The following LRRC4C variants were observed in gnomAD, a reference collection of about 807,000 sequenced individuals.
LRRC4C encodes the protein leucine-rich repeat-containing protein 4C.
A neutral mutation model predicts 33.6 loss-of-function variants in LRRC4C; 5 were observed. The observed-to-expected ratio is 0.15, with a 90% CI of 0.08 to 0.31. LRRC4C has a LOEUF of 0.31. Among genes scored for constraint, LRRC4C ranks in the 10% least tolerant of loss-of-function variants. The pLI is 1.00. For missense variants in LRRC4C, 560 were observed against 796.7 expected, an observed-to-expected ratio of 0.70 and a Z score of 3.58; for synonymous variants, 329 against 302.0, an observed-to-expected ratio of 1.09 and a Z score of -0.93.
intron 1 of LRRC4C, among the ~76,000 whole-genome samples, chr11:40,992,496 G>A (rs192141710): frequency 6.0e-5 from 9 of 151,080 alleles, no homozygotes; most frequent in Non-Finnish European, 1.0e-4. Flanking sequence ...CTTAACATCA[G>A]CCATTCTGAG....
chr11:40,582,096 A>G (rs1337039307), intron 3 of LRRC4C, among the ~76,000 whole-genome samples: 1 of 152,152 alleles, frequency 6.6e-6, no homozygotes, highest in Non-Finnish European at 1.5e-5. Flanking sequence ...GAAAATATTT[A>G]TGTGTATTGT....
At chr11:41,443,000 T>C (rs1249080466) in intron 1 of LRRC4C, among the ~76,000 whole-genome samples, 2 of 152,046 alleles carry the variant, frequency 1.3e-5, no homozygotes, top group Admixed American at 6.6e-5. Context: ...GGTATTGCTA[T>C]GAAATGGTAG....
chr11:40,891,009 G>A (rs1010771787), intron 2 of LRRC4C, among the ~76,000 whole-genome samples: 41 of 152,098 alleles, frequency 2.7e-4, no homozygotes, highest in African/African-American at 9.2e-4. Flanking sequence ...CTAGGAGGCC[G>A]AAGCCGGGAG....
chr11:40,911,661 G>A (rs755166344), intron 2 of LRRC4C, among the ~76,000 whole-genome samples: 24 of 152,286 alleles, frequency 1.6e-4, no homozygotes, highest in Non-Finnish European at 2.8e-4. Context: ...AAAGGAATGC[G>A]GCTCCTCACC....
chr11:40,169,184 C>T lies in LRRC4C; in HGVS notation c.-95-28331G>A, dbSNP rs1050268180. 3.3e-5 allele frequency among the ~76,000 whole-genome samples: 5 copies of T among 152,012 alleles called. 1 individual carries two copies. Among genetic ancestry groups the T allele is most frequent in the Non-Finnish European group, 2.9e-5 (2 of 68,012 alleles). On this transcript the variant is annotated intron_variant, in intron 5 of 6. Transcript: ENST00000528697. ...TATTGAGACTTATTTTTCTGGGATA[C>T]GGTAAGCTTTAAATAGGAACCTAGT...
At chr11:40,680,039 A>ATCT (rs1944605628) in intron 2 of LRRC4C, among the ~76,000 whole-genome samples, 2 of 152,148 alleles carry the variant, frequency 1.3e-5, no homozygotes, top group South Asian at 4.1e-4. Flanking sequence ...ACCCAAGATT[A>ATCT]TGGGAACCCA....
At chr11:40,388,656 C>T (rs965334358) in intron 3 of LRRC4C, among the ~76,000 whole-genome samples, 4 of 152,128 alleles carry the variant, frequency 2.6e-5, no homozygotes, top group African/African-American at 9.7e-5. Context: ...ATTCCAATGC[C>T]TGCATTTTAT....
At chr11:40,633,339 T>TTC (rs1203429164) in intron 3 of LRRC4C, among the ~76,000 whole-genome samples, 17 of 29,734 alleles carry the variant, frequency 5.7e-4, no homozygotes, top group African/African-American at 2.1e-3. Context: ...CTTTCTTTCT[T>TTC]TCTTTCTTTC....
chr11:41,132,898 T>C (rs1009360615), intron 1 of LRRC4C, among the ~76,000 whole-genome samples: 1 of 152,116 alleles, frequency 6.6e-6, no homozygotes. Flanking sequence ...AATGAAGATG[T>C]AATGATATAT....
chr11:40,981,909 A>C (rs1215295183), intron 1 of LRRC4C, among the ~76,000 whole-genome samples: 1 of 152,226 alleles, frequency 6.6e-6, no homozygotes, highest in East Asian at 1.9e-4. Flanking sequence ...GTATTTAAAC[A>C]ACAAAGCCTT....
At chr11:40,372,672 C>G (rs563716025) in intron 3 of LRRC4C, among the ~76,000 whole-genome samples, 3 of 152,032 alleles carry the variant, frequency 2.0e-5, no homozygotes, top group African/African-American at 7.2e-5. Flanking sequence ...TGATGCTATG[C>G]CTGGATAGGA....
intron 1 of LRRC4C, among the ~76,000 whole-genome samples, chr11:41,322,663 C>T (rs956362066): frequency 5.9e-5 from 9 of 152,160 alleles, no homozygotes; most frequent in Non-Finnish European, 8.8e-5. Context: ...TCAGGTTACG[C>T]TGCAGTGTAA....
intron 1 of LRRC4C, among the ~76,000 whole-genome samples, chr11:41,291,391 C>T (rs1949988730): frequency 6.6e-6 from 1 of 152,112 alleles, no homozygotes; most frequent in South Asian, 2.1e-4. Context: ...TTTGCCTAGT[C>T]ATTTACCTCC....
At chr11:41,100,369 C>G (rs1941094765) in intron 1 of LRRC4C, among the ~76,000 whole-genome samples, 1 of 151,920 alleles carries the variant, frequency 6.6e-6, no homozygotes, top group Non-Finnish European at 1.5e-5. Context: ...AGTTCAAGAC[C>G]AGATTGGCCA....
chr11:41,364,779 G>A (rs1952475636), intron 1 of LRRC4C, among the ~76,000 whole-genome samples: 2 of 152,080 alleles, frequency 1.3e-5, no homozygotes, highest in South Asian at 2.1e-4. Flanking sequence ...AATGAACCTT[G>A]TTTTCTTCAC....
chr11:40,515,743 A>G (rs1230972556), intron 3 of LRRC4C, among the ~76,000 whole-genome samples: 2 of 152,118 alleles, frequency 1.3e-5, no homozygotes, highest in Non-Finnish European at 2.9e-5. Flanking sequence ...ACAATTATTA[A>G]AAATCAGGTG....
At chr11:41,288,289 T>TG (rs1239030251) in intron 1 of LRRC4C, among the ~76,000 whole-genome samples, 1 of 152,250 alleles carries the variant, frequency 6.6e-6, no homozygotes. Flanking sequence ...CCATTTGGTA[T>TG]GACTCCAGTT....
intron 1 of LRRC4C, among the ~76,000 whole-genome samples, chr11:41,412,331 T>C (rs1954519106): frequency 6.6e-6 from 1 of 152,158 alleles, no homozygotes; most frequent in Non-Finnish European, 1.5e-5. Context: ...CTTTAGAGAT[T>C]AGGTGATGTT....
intron 1 of LRRC4C, among the ~76,000 whole-genome samples, chr11:41,404,672 T>C (rs1471955415): frequency 6.6e-6 from 1 of 152,044 alleles, no homozygotes; most frequent in Non-Finnish European, 1.5e-5. Flanking sequence ...ACAGTAATGA[T>C]GACAGCTATT....
Sources: allele counts gnomAD v4.1 joint callset (sites outside exome capture counted in the v4.1 genomes callset), GRCh38; gene constraint gnomAD v4.1.1; transcripts MANE v1.5; gene names NCBI Gene and HGNC (gene_info 2026-07-23, HGNC 2026-07-21).